Variants in BPIFA3 observed in about 807,000 individuals in gnomAD.
BPIFA3 encodes BPI fold containing family A member 3.
BPIFA3 carries 32 observed loss-of-function variants against 29.7 expected under a neutral mutation model. The ratio of observed to expected loss-of-function variants is 1.08; its 90% CI spans 0.81 to 1.45. The LOEUF (loss-of-function observed/expected upper bound fraction) is 1.45. BPIFA3 is among the 40% of genes most tolerant of loss of function. The pLI is 0.00. For missense variants in BPIFA3, 323 were observed against 311.3 expected, an observed-to-expected ratio of 1.04 and a Z score of -0.28; for synonymous variants, 112 against 113.7, an observed-to-expected ratio of 0.98 and a Z score of 0.10.
rs1486627966 is a variant in BPIFA3, at chr20:33,217,627, C to T, written c.91C>T (p.Gln31Ter). 1.9e-6 allele frequency: 3 copies of T among 1,613,940 alleles called. No individual in the cohort carries two copies. The highest frequency in any genetic ancestry group is 2.5e-6 in the Non-Finnish European group (3 of 1,179,990). The change falls in exon 1 of 7, where the codon CAA (glutamine) becomes TAA (stop). Residue 31 changes from glutamine (Q) to a stop codon, truncating the protein, a stop_gained. Coordinates refer to ENST00000375454, the MANE Select transcript of BPIFA3 (RefSeq NM_178466.5). LOFTEE classifies it high-confidence loss of function. ...PHKQPWPGLA[Q>*]AHRDNKSTLA... The stretch of plus-strand genomic sequence containing the variant: ...CAAGCAGCCTTGGCCTGGCCTGGCC[C>T]AAGCCCACAGAGACAACAAATCCAC...
At chr20:33,223,666 G>A in intron 1 of BPIFA3, 145 bp from the exon 2 acceptor site, 1 of 780,816 alleles carries the variant, frequency 1.3e-6, no homozygotes, top group Non-Finnish European at 2.0e-6. Flanking sequence ...GATGAAGAAG[G>A]TAGATCTCCA....
At chr20:33,226,909 C>G in intron 5 of BPIFA3, 21 bp from the exon 6 acceptor site, 1 of 1,614,146 alleles carries the variant, frequency 6.2e-7, no homozygotes, top group Non-Finnish European at 8.5e-7. Flanking sequence ...CCTGATCCTT[C>G]TCTCTGTGCT....
intron 3 of BPIFA3, among the ~76,000 whole-genome samples, chr20:33,224,883 G>C (rs563300757): frequency 1.3e-5 from 2 of 152,092 alleles, no homozygotes; most frequent in Non-Finnish European, 2.9e-5. Flanking sequence ...ATTTCCAAAG[G>C]CCTATTTAAG....
rs1985713779 is a variant in BPIFA3, at chr20:33,225,100, C to G, written c.389C>G (p.Ser130Cys). 6.2e-7 allele frequency: 1 copy of G among 1,613,896 alleles called. No homozygotes were observed. The highest frequency in any genetic ancestry group is 1.1e-5 in the South Asian group (1 of 91,060). Reference sequence around the variant, plus strand: ...TCCTCTTCCTCTCTCATCTGCAGGTCCTTCGATAACAACATCGTAAAGATG... The same window carrying G: ...TCCTCTTCCTCTCTCATCTGCAGGTGCTTCGATAACAACATCGTAAAGATG... ...SLEFDLELRP[S>C]FDNNIVKMCA... Residue 130 changes from serine (S) to cysteine (C), a missense_variant and splice_region_variant, in exon 4 of 7, where the codon TCC becomes TGC. Physicochemically the swap from Ser to Cys is moderately radical, Grantham distance 112. Transcript: ENST00000375454.
chr20:33,219,607 C>G (rs1171819210), intron 1 of BPIFA3, among the ~76,000 whole-genome samples: 5 of 152,196 alleles, frequency 3.3e-5, no homozygotes, highest in Non-Finnish European at 5.9e-5. Context: ...TCGCTTCTCT[C>G]CATATGACTC....
chr20:33,218,104 G>A (rs1366607496), intron 1 of BPIFA3, among the ~76,000 whole-genome samples: 2 of 152,214 alleles, frequency 1.3e-5, no homozygotes, highest in Non-Finnish European at 2.9e-5. Context: ...TGTTGCTTCA[G>A]CTGGTGCAGA....
At chr20:33,226,251 G>A in intron 4 of BPIFA3, 155 bp from the exon 5 acceptor site, 1 of 640,958 alleles carries the variant, frequency 1.6e-6, no homozygotes. Context: ...GGCAAGGTCT[G>A]AGCTACCCCT....
intron 6 of BPIFA3, 123 bp downstream of exon 6, chr20:33,227,116 C>A: frequency 1.3e-6 from 1 of 792,890 alleles, no homozygotes; most frequent in Non-Finnish European, 2.2e-6. Context: ...CGTGAGAACA[C>A]TTTAGAGGTG....
rs773044801 is a variant in BPIFA3, at chr20:33,217,653, C to A, written c.117C>A (p.Thr39=). The change falls in exon 1 of 7, where the codon ACC becomes ACA. Residue 39 remains threonine, a synonymous_variant. Transcript: ENST00000375454. The stretch of plus-strand genomic sequence containing the variant: ...AAGCCCACAGAGACAACAAATCCAC[C>A]CTGGCAAGAAGTAAGCTAAGCCCCG... ...LAQAHRDNKS[T]LARIIAQGLI... is the part of the protein sequence containing the mutation. 1 of 1,613,386 alleles carries A rather than the reference C, an allele frequency of 6.2e-7. No homozygotes were observed. Among genetic ancestry groups the A allele is most frequent in the African/African-American group, 1.3e-5 (1 of 74,876 alleles).
intron 5 of BPIFA3, 97 bp from the exon 6 acceptor site, chr20:33,226,833 G>GA (rs1243843208): frequency 6.0e-6 from 9 of 1,500,138 alleles, no homozygotes; most frequent in East Asian, 2.3e-5. Context: ...ATTCCTACTG[G>GA]AAAAAATCCC....
At chr20:33,225,432 C>A in intron 4 of BPIFA3, 185 bp downstream of exon 4, 1 of 739,302 alleles carries the variant, frequency 1.4e-6, no homozygotes, top group Non-Finnish European at 2.1e-6. Flanking sequence ...CCAGACTCTT[C>A]TCCCTCCTCA....
At position 33,217,413 on chromosome 20, in the gene BPIFA3, G is replaced by A; in HGVS notation, c.-124G>A. On this transcript the variant is annotated 5_prime_UTR_variant, in exon 1 of 7. Coordinates refer to ENST00000375454, the MANE Select transcript of BPIFA3 (RefSeq NM_178466.5). ...GTGCAGCCCCTCCCCACAGCATGCT[G>A]GGGGCTAATTCTGATGTCATCTTTC... is the stretch of plus-strand genomic sequence containing the variant. The A allele has an allele frequency of 7.8e-7, 1 of 1,280,338 alleles. No individual in the cohort carries two copies. The highest frequency in any genetic ancestry group is 1.1e-6 in the Non-Finnish European group (1 of 943,468). 79.3% of individuals were successfully genotyped at this position (1,280,338 alleles called of 1,614,324 possible). A position where few individuals can be genotyped will look rare whatever the true frequency, so the allele number is the denominator to read the frequency against.
chr20:33,221,937 G>A (rs775605898), intron 1 of BPIFA3, among the ~76,000 whole-genome samples: 6 of 152,204 alleles, frequency 3.9e-5, no homozygotes, highest in Admixed American at 3.9e-4. Flanking sequence ...TATGTGAAAA[G>A]TTCTTTGACT....
chr20:33,226,559 C>A, intron 5 of BPIFA3, 69 bp downstream of exon 5: 4 of 977,772 alleles, frequency 4.1e-6, no homozygotes, highest in Non-Finnish European at 4.7e-6. Context: ...TATCCACTGG[C>A]AATTTAGCAA....
Position 33,227,644 on chromosome 20 carries a change from C to T in BPIFA3, c.*27C>T, listed in dbSNP as rs763176488. ...TTCTGCTGATCAGAAGGAAAGTCCA[C>T]ATCTTGCAACCTTAAGTCTCCCTTA... On this transcript the variant is annotated 3_prime_UTR_variant, in exon 7 of 7. Transcript: ENST00000375454. 14 of 1,590,546 alleles carry T rather than the reference C, an allele frequency of 8.8e-6. No homozygotes were observed. The South Asian group carries it at 1.2e-4, about 14-fold the overall frequency.
At chr20:33,225,945 A>G (rs1180679935) in intron 4 of BPIFA3, 2 of 169,750 alleles carry the variant, frequency 1.2e-5, no homozygotes, top group African/African-American at 4.8e-5. Context: ...GGTGAACAAG[A>G]CACAAAATAC....
At chr20:33,217,821 T>C (rs1055936743) in intron 1 of BPIFA3, among the ~76,000 whole-genome samples, 158 bp downstream of exon 1, 3 of 152,244 alleles carry the variant, frequency 2.0e-5, no homozygotes, top group Admixed American at 6.5e-5. Flanking sequence ...GAGGTTGTGT[T>C]GATCATATGC....
In BPIFA3 at chr20:33,225,230, T is replaced by C; in HGVS notation, c.519T>C (p.His173=). The C allele has an allele frequency of 1.9e-6, 3 of 1,613,942 alleles. No individual in the cohort carries two copies. The highest frequency in any genetic ancestry group is 1.7e-6 in the Non-Finnish European group (2 of 1,180,018). ...GCGATGCAGAGCCCAGCAGTGTCCA[T>C]GTGGCCATCCTCACTGAGTAAGACC... ...GKCDAEPSSV[H]VAILTEAIPP... Residue 173 remains histidine (H), a synonymous_variant, in exon 4 of 7, where the codon CAT becomes CAC. Coordinates refer to ENST00000375454, the MANE Select transcript of BPIFA3 (RefSeq NM_178466.5).
chr20:33,218,185 T>G (rs1433493189), intron 1 of BPIFA3, among the ~76,000 whole-genome samples: 1 of 152,230 alleles, frequency 6.6e-6, no homozygotes, highest in Non-Finnish European at 1.5e-5. Context: ...AGGTTGTCTC[T>G]AACTCTCCAT....
Sources: gnomAD v4.1 joint callset for allele counts (sites outside exome capture counted in the v4.1 genomes callset) on GRCh38, gnomAD v4.1.1 for gene constraint, MANE v1.5 for transcripts, NCBI Gene and HGNC (gene_info 2026-07-23, HGNC 2026-07-21) for gene names.